SNRPN: variants seen among roughly 807,000 people sequenced by gnomAD.
The protein encoded by SNRPN is small nuclear ribonucleoprotein-associated protein N.
Under a neutral mutation model 25.2 loss-of-function variants are expected in SNRPN, and 7 were observed. The observed-to-expected ratio is 0.28, with a 90% CI of 0.16 to 0.52. The LOEUF (loss-of-function observed/expected upper bound fraction) is 0.52. SNRPN is among the 20% of genes least tolerant of loss of function. The probability of loss-of-function intolerance (pLI) is 0.96; values close to 1 mark genes in which losing one functional copy is unlikely to be tolerated. For synonymous variants in SNRPN, 124 were observed against 110.6 expected (o/e 1.12, Z -0.76); for missense variants, 196 against 322.5 (o/e 0.61, Z 3.00).
chr15:24,929,912 G>A lies in SNRPN; in HGVS notation c.-391+9788G>A, dbSNP rs1213715159. ...TATGTATCAATAAAAAAATGGCCAG[G>A]CACGGTGGCTCACACCTATAATCCC... On this transcript the variant is annotated intron_variant, in intron 3 of 11. Transcript: ENST00000400097. The surrounding 1 kb of genome is among the most constrained non-coding windows in gnomAD (Gnocchi z 5.3). Among the ~76,000 whole-genome samples, 2 of 152,022 alleles carry A rather than the reference G, an allele frequency of 1.3e-5. No individual in the cohort carries two copies. Among genetic ancestry groups the A allele is most frequent in the African/African-American group, 2.4e-5 (1 of 41,380 alleles).
intron 2 of SNRPN, among the ~76,000 whole-genome samples, chr15:24,901,503 G>A (rs1241764286): frequency 6.6e-6 from 1 of 152,142 alleles, no homozygotes; most frequent in Non-Finnish European, 1.5e-5. Context: ...ACCATGAAAA[G>A]AACACTTGTT....
chr15:24,857,863 T>C (rs1052658487), intron 1 of SNRPN, among the ~76,000 whole-genome samples: 1 of 152,010 alleles, frequency 6.6e-6, no homozygotes. Context: ...GGATCAGGGG[T>C]TTCTAAGAAT....
upstream of SNRPN, among the ~76,000 whole-genome samples, chr15:24,852,468 A>G (rs1322643803): frequency 2.0e-5 from 3 of 152,104 alleles, no homozygotes; most frequent in Non-Finnish European, 2.9e-5. Context: ...CATGACTTTG[A>G]CCCTTGTGAA....
At chr15:24,955,129 T>G (rs1190992384) in intron 1 of SNRPN, 67 bp downstream of exon 1, 1 of 1,606,072 alleles carries the variant, frequency 6.2e-7, no homozygotes, top group Admixed American at 1.7e-5. Flanking sequence ...TCATCAGATA[T>G]TCCAAGTTTT....
chr15:24,914,915 G>T (rs2152322307), intron 2 of SNRPN, among the ~76,000 whole-genome samples: 1 of 152,118 alleles, frequency 6.6e-6, no homozygotes, highest in East Asian at 1.9e-4. Flanking sequence ...TAACCAAGAA[G>T]CAGGGTTGGG....
At chr15:24,936,695 G>A (rs2061255526) in intron 3 of SNRPN, among the ~76,000 whole-genome samples, 1 of 151,988 alleles carries the variant, frequency 6.6e-6, no homozygotes, top group Admixed American at 6.6e-5. Context: ...AGGGGAGGAG[G>A]TTCCACACAC....
rs571260515 is a variant in SNRPN, at chr15:24,860,756, A to G, written c.-579+4040A>G. ...AAACAGAAAAACAGAAAGATTGGACACTCAAAGTATAGTTTCCATTAATGT... is the reference window on the plus strand; with the variant it reads ...AAACAGAAAAACAGAAAGATTGGACGCTCAAAGTATAGTTTCCATTAATGT... On this transcript the variant is annotated intron_variant, in intron 1 of 11. Transcript: ENST00000400097. Among the ~76,000 whole-genome samples, 19 of 152,312 alleles carry G rather than the reference A, an allele frequency of 1.2e-4. No homozygotes were observed. In the South Asian group the frequency reaches 2.3e-3, roughly 18 times the overall value.
chr15:24,891,620 T>C (rs1261383941), intron 2 of SNRPN, among the ~76,000 whole-genome samples: 1 of 152,144 alleles, frequency 6.6e-6, no homozygotes, highest in East Asian at 1.9e-4. Flanking sequence ...GTATTTTTAG[T>C]AGAAATGGTG....
At chr15:24,965,786 T>C (rs1283669017) in intron 2 of SNRPN, among the ~76,000 whole-genome samples, 2 of 152,188 alleles carry the variant, frequency 1.3e-5, no homozygotes, top group African/African-American at 4.8e-5. Flanking sequence ...TTCTCAGTCT[T>C]TAATCTTCTA....
intron 2 of SNRPN, among the ~76,000 whole-genome samples, chr15:24,841,505 G>T (rs1369229271): frequency 6.6e-6 from 1 of 152,096 alleles, no homozygotes; most frequent in East Asian, 1.9e-4. Context: ...AAAGGACCCA[G>T]AAACATTGTC....
intron 1 of SNRPN, among the ~76,000 whole-genome samples, chr15:24,871,165 A>T (rs1244665978): frequency 2.0e-5 from 3 of 152,042 alleles, no homozygotes; most frequent in Non-Finnish European, 4.4e-5. Flanking sequence ...TGCTAGGATT[A>T]CAGGCGTGAG....
At chr15:24,932,161 G>A (rs189054748) in intron 3 of SNRPN, among the ~76,000 whole-genome samples, 253 of 152,242 alleles carry the variant, frequency 1.7e-3, no homozygotes, top group African/African-American at 5.9e-3. Flanking sequence ...TCAACCAGGG[G>A]ATATGGCCTT....
intron 1 of SNRPN, among the ~76,000 whole-genome samples, chr15:24,872,374 C>T (rs1383244671): frequency 8.4e-6 from 1 of 119,364 alleles, no homozygotes; most frequent in South Asian, 3.1e-4. Context: ...ACCATTTTGG[C>T]CAGGCTGGTC....
chr15:24,958,920 G>A (rs2074321931), intron 1 of SNRPN: 2 of 153,070 alleles, frequency 1.3e-5, no homozygotes, highest in Non-Finnish European at 2.9e-5. Flanking sequence ...GTCTCCTTAT[G>A]TTGCCCAGAC....
chr15:24,964,216 T>A (rs1026280384), intron 2 of SNRPN, among the ~76,000 whole-genome samples: 1 of 152,216 alleles, frequency 6.6e-6, no homozygotes, highest in African/African-American at 2.4e-5. Context: ...TGTTTGTATA[T>A]TGGTAAATAT....
intron 3 of SNRPN, among the ~76,000 whole-genome samples, chr15:24,930,003 C>T (rs191520370): frequency 5.8e-4 from 88 of 151,850 alleles, no homozygotes; most frequent in Admixed American, 7.9e-4. Flanking sequence ...CTGGCTAACG[C>T]GGTGAAACCC....
chr15:24,900,970 A>G (rs1221704486), intron 2 of SNRPN, among the ~76,000 whole-genome samples: 1 of 152,154 alleles, frequency 6.6e-6, no homozygotes, highest in East Asian at 1.9e-4. Flanking sequence ...AGAGTGGTGC[A>G]CCTGTAGTCC....
At chr15:24,828,110 C>T (rs1283569482) in intron 1 of SNRPN, among the ~76,000 whole-genome samples, 3 of 151,934 alleles carry the variant, frequency 2.0e-5, no homozygotes, top group African/African-American at 7.3e-5. Flanking sequence ...AAATTTAACA[C>T]AATATTGAGA....
intron 3 of SNRPN, among the ~76,000 whole-genome samples, chr15:24,972,627 C>T (rs1034746296): frequency 2.8e-5 from 4 of 144,806 alleles, no homozygotes; most frequent in Admixed American, 7.0e-5. Context: ...CAAAAAGATA[C>T]TTTTGAATCC....
Sources: gnomAD v4.1 joint callset for allele counts (sites outside exome capture counted in the v4.1 genomes callset) on GRCh38, gnomAD v4.1.1 for gene constraint, Gnocchi (gnomAD v3.1) non-coding constraint, MANE v1.5 for transcripts, NCBI Gene and HGNC (gene_info 2026-07-23, HGNC 2026-07-21) for gene names.